Variants in DCC observed in about 807,000 individuals in gnomAD.
DCC encodes netrin receptor DCC.
Under a neutral mutation model 172.5 loss-of-function variants are expected in DCC, and 58 were observed. The observed-to-expected ratio is 0.34, with a 90% CI of 0.27 to 0.42. The LOEUF is 0.42. Ranked by LOEUF, DCC falls within the 10% of genes least tolerant of loss-of-function variation. The pLI is 1.00. For missense variants in DCC, 1,740 were observed against 1,791.0 expected (o/e 0.97, Z 0.51); for synonymous variants, 709 against 644.5 (o/e 1.10, Z -1.52).
At chr18:53,242,762 G>C (rs554308990) in intron 12 of DCC, among the ~76,000 whole-genome samples, 1 of 152,116 alleles carries the variant, frequency 6.6e-6, no homozygotes, top group Non-Finnish European at 1.5e-5. Context: ...CAAAAAAAAT[G>C]TGCCAGTATC....
chr18:53,012,433 A>G (rs1243918516), intron 5 of DCC, among the ~76,000 whole-genome samples: 1 of 152,064 alleles, frequency 6.6e-6, no homozygotes, highest in East Asian at 1.9e-4. Flanking sequence ...TTCCTACTCT[A>G]AAAATATATT....
intron 5 of DCC, among the ~76,000 whole-genome samples, chr18:52,977,913 A>G (rs2041148873): frequency 7.2e-6 from 1 of 138,562 alleles, no homozygotes; most frequent in Non-Finnish European, 1.6e-5. Context: ...AAAAAGAAAA[A>G]GAAAAAAAAA....
intron 5 of DCC, among the ~76,000 whole-genome samples, chr18:52,969,623 TTCTGTGACTC>T (rs1335199436): frequency 1.0e-5 from 1 of 96,280 alleles, no homozygotes; most frequent in Non-Finnish European, 2.1e-5. Context: ...CTCTCTCTCT[TTCTGTGACTC>T]TCTGTGTCTC....
intron 1 of DCC, among the ~76,000 whole-genome samples, chr18:52,534,792 G>A (rs558027006): frequency 6.6e-6 from 1 of 152,080 alleles, no homozygotes; most frequent in South Asian, 2.1e-4. Context: ...GAACTATTAG[G>A]CATTATTTTG....
At chr18:52,363,645 C>G (rs1984717565) in intron 1 of DCC, among the ~76,000 whole-genome samples, 1 of 152,192 alleles carries the variant, frequency 6.6e-6, no homozygotes, top group African/African-American at 2.4e-5. Context: ...GAACTAGGCT[C>G]TACTGGTCAA....
intron 12 of DCC, among the ~76,000 whole-genome samples, chr18:53,276,428 T>C (rs1329601694): frequency 3.3e-5 from 5 of 152,204 alleles, no homozygotes; most frequent in Non-Finnish European, 5.9e-5. Flanking sequence ...TCTTGCTTTC[T>C]TTAGATTGGA....
At chr18:53,087,572 A>G in intron 7 of DCC, among the ~76,000 whole-genome samples, 1 of 152,062 alleles carries the variant, frequency 6.6e-6, no homozygotes, top group Non-Finnish European at 1.5e-5. Context: ...CTCTGATGGT[A>G]GTTTCTTTTG....
At chr18:52,959,384 C>T (rs2040802126) in intron 5 of DCC, among the ~76,000 whole-genome samples, 2 of 152,084 alleles carry the variant, frequency 1.3e-5, no homozygotes, top group Non-Finnish European at 2.9e-5. Context: ...CCAACTGATT[C>T]ACTAGCTGTG....
intron 27 of DCC, 101 bp from the exon 28 acceptor site, chr18:53,526,516 C>G (rs1206430967): frequency 7.8e-7 from 1 of 1,288,976 alleles, no homozygotes; most frequent in Non-Finnish European, 1.1e-6. Context: ...GAGCAATAAC[C>G]TAAAATCAAT....
At chr18:53,105,149 T>C (rs1263849913) in intron 7 of DCC, among the ~76,000 whole-genome samples, 1 of 152,060 alleles carries the variant, frequency 6.6e-6, no homozygotes, top group African/African-American at 2.4e-5. Flanking sequence ...GGTGAGAAGA[T>C]GCTGTGACTA....
intron 21 of DCC, among the ~76,000 whole-genome samples, chr18:53,422,687 G>A (rs147798206): frequency 5.8e-4 from 88 of 152,230 alleles, no homozygotes; most frequent in African/African-American, 2.0e-3. Flanking sequence ...AGGGAAATAG[G>A]GTTTTTGAGG....
chr18:53,005,332 T>C (rs2041628251), intron 5 of DCC, among the ~76,000 whole-genome samples: 1 of 152,206 alleles, frequency 6.6e-6, no homozygotes, highest in Middle Eastern at 3.2e-3. Flanking sequence ...TTTTTCACTT[T>C]ATATTATAGG....
At chr18:53,011,358 A>G (rs1418755112) in intron 5 of DCC, among the ~76,000 whole-genome samples, 2 of 151,848 alleles carry the variant, frequency 1.3e-5, no homozygotes, top group African/African-American at 4.8e-5. Context: ...TTGAAAAAAT[A>G]TAACCCCATA....
chr18:52,572,731 G>A (rs2144761517), intron 1 of DCC, among the ~76,000 whole-genome samples: 1 of 152,294 alleles, frequency 6.6e-6, no homozygotes, highest in South Asian at 2.1e-4. Flanking sequence ...CAGTTAGAAA[G>A]GTCAACGGGA....
intron 12 of DCC, among the ~76,000 whole-genome samples, chr18:53,244,242 G>C (rs539770181): frequency 1.3e-5 from 2 of 151,978 alleles, no homozygotes; most frequent in African/African-American, 4.8e-5. Flanking sequence ...TTAAAATAGG[G>C]ATCACCTACA....
chr18:52,617,203 C>A (rs1341036545), intron 1 of DCC, among the ~76,000 whole-genome samples: 1 of 152,220 alleles, frequency 6.6e-6, no homozygotes, highest in Non-Finnish European at 1.5e-5. Context: ...AAGTATCACA[C>A]TGTACCCCAT....
intron 7 of DCC, among the ~76,000 whole-genome samples, chr18:53,145,408 C>G (rs1431703953): frequency 6.6e-6 from 1 of 152,028 alleles, no homozygotes; most frequent in Non-Finnish European, 1.5e-5. Context: ...CCACCGCACC[C>G]AGCCCAGGGC....
At chr18:53,460,277 T>TTG (rs1310519521) in intron 24 of DCC, among the ~76,000 whole-genome samples, 26 of 32,374 alleles carry the variant, frequency 8.0e-4, no homozygotes, top group African/African-American at 1.7e-3. Context: ...AGCTCCTGTT[T>TTG]TTTTTTTTTT....
At chr18:52,441,197 T>C (rs540384025) in intron 1 of DCC, among the ~76,000 whole-genome samples, 28 of 152,238 alleles carry the variant, frequency 1.8e-4, no homozygotes, top group Non-Finnish European at 2.9e-4. Context: ...GATGTTCATT[T>C]GTCTGAGACC....
Sources: gnomAD v4.1 joint callset for allele counts (sites outside exome capture counted in the v4.1 genomes callset) on GRCh38, gnomAD v4.1.1 for gene constraint, MANE v1.5 for transcripts, NCBI Gene and HGNC (gene_info 2026-07-23, HGNC 2026-07-21) for gene names.